NCALD: variants seen among roughly 807,000 people sequenced by gnomAD.
NCALD encodes the protein neurocalcin delta.
NCALD carries 10 observed loss-of-function variants against 18.6 expected under a neutral mutation model. The observed-to-expected ratio is 0.54, with a 90% CI of 0.33 to 0.91. NCALD has a LOEUF of 0.91. Among genes scored for constraint, NCALD ranks in the 40% least tolerant of loss-of-function variants. The probability of loss-of-function intolerance (pLI) is 0.03; values close to 1 mark genes in which losing one functional copy is unlikely to be tolerated. For missense variants in NCALD, 184 were observed against 247.6 expected (o/e 0.74, Z 1.72); for synonymous variants, 88 against 87.4 (o/e 1.01, Z -0.04).
chr8:101,738,745 G>A (rs1810047471), intron 1 of NCALD, among the ~76,000 whole-genome samples: 2 of 152,194 alleles, frequency 1.3e-5, no homozygotes, highest in South Asian at 4.1e-4. Flanking sequence ...TCGTGGCTGT[G>A]TGACCCTGAG....
chr8:101,866,896 C>G (rs1387909837), intron 4 of NCALD, among the ~76,000 whole-genome samples: 1 of 152,180 alleles, frequency 6.6e-6, no homozygotes, highest in Admixed American at 6.5e-5. Flanking sequence ...TGTCACTTCT[C>G]TGCTCAAGAT....
intron 2 of NCALD, among the ~76,000 whole-genome samples, chr8:101,931,729 C>G (rs1178396230): frequency 1.3e-5 from 2 of 152,042 alleles, no homozygotes; most frequent in African/African-American, 4.8e-5. Context: ...CAACTACTCT[C>G]ATGTATGGGT....
chr8:101,753,667 A>G (rs1335086124), intron 1 of NCALD, among the ~76,000 whole-genome samples: 1 of 152,110 alleles, frequency 6.6e-6, no homozygotes, highest in Non-Finnish European at 1.5e-5. Flanking sequence ...GGTTCCAAGA[A>G]GGGCTTCTTA....
At chr8:101,990,028 C>A (rs909905081) in intron 2 of NCALD, among the ~76,000 whole-genome samples, 1 of 152,138 alleles carries the variant, frequency 6.6e-6, no homozygotes, top group Non-Finnish European at 1.5e-5. Context: ...TATTGAGAGC[C>A]TGCATGATCT....
At chr8:101,741,532 C>T (rs1332177717) in intron 1 of NCALD, among the ~76,000 whole-genome samples, 3 of 151,908 alleles carry the variant, frequency 2.0e-5, no homozygotes, top group Non-Finnish European at 4.4e-5. Context: ...ACAACCTAAG[C>T]CTTCCTCATT....
chr8:101,920,000 T>C (rs1387119645), intron 2 of NCALD, among the ~76,000 whole-genome samples: 5 of 152,194 alleles, frequency 3.3e-5, no homozygotes, highest in Admixed American at 2.6e-4. Context: ...CTCATGCCTG[T>C]AGCCCCAGCA....
rs113361803 is a variant in NCALD, at chr8:101,752,738, C to G, written c.-19-33090G>C. On this transcript the variant is annotated intron_variant, in intron 1 of 3. Transcript: ENST00000220931. ...AATAACGGATAAATAAGGTACAGCC[C>G]TGCTCTGCAAGAGCTAGCAATCTAG... is the stretch of plus-strand genomic sequence containing the variant. Among the ~76,000 whole-genome samples the G allele has an allele frequency of 2.7e-3, 407 of 152,314 alleles. 2 individuals carry two copies. The highest frequency in any genetic ancestry group is 9.3e-3 in the African/African-American group (388 of 41,568).
chr8:101,841,776 T>C (rs1203816819), intron 4 of NCALD, among the ~76,000 whole-genome samples: 2 of 152,134 alleles, frequency 1.3e-5, no homozygotes, highest in African/African-American at 4.8e-5. Context: ...GATGTTGGTT[T>C]ACATATGAGC....
At chr8:101,708,812 T>C (rs58028965) in intron 2 of NCALD, among the ~76,000 whole-genome samples, 5,193 of 152,148 alleles carry the variant, frequency 0.034, 296 homozygotes, top group African/African-American at 0.12. Context: ...AGAGCACATC[T>C]AAGCACTCAC....
chr8:101,911,992 A>C (rs1817818005), intron 3 of NCALD, among the ~76,000 whole-genome samples: 7 of 152,240 alleles, frequency 4.6e-5, no homozygotes, highest in Admixed American at 4.6e-4. Flanking sequence ...TTAGTGTTAT[A>C]AAGAACAATC....
At chr8:101,939,655 C>T (rs1818886024) in intron 2 of NCALD, among the ~76,000 whole-genome samples, 1 of 152,186 alleles carries the variant, frequency 6.6e-6, no homozygotes, top group Admixed American at 6.5e-5. Flanking sequence ...CAAATAGCTA[C>T]AAATTCTGAT....
chr8:101,856,335 G>C (rs1437058449), intron 4 of NCALD, among the ~76,000 whole-genome samples: 3 of 152,046 alleles, frequency 2.0e-5, no homozygotes, highest in African/African-American at 4.8e-5. Flanking sequence ...ACCATGCCTG[G>C]CTAACTTTTA....
At chr8:102,083,220 T>G (rs1399381238) in intron 1 of NCALD, among the ~76,000 whole-genome samples, 2 of 152,194 alleles carry the variant, frequency 1.3e-5, no homozygotes, top group Non-Finnish European at 2.9e-5. Context: ...ATTGTCTAAT[T>G]AAATCTACAA....
intron 4 of NCALD, among the ~76,000 whole-genome samples, chr8:101,819,789 C>T (rs575789227): frequency 1.8e-4 from 27 of 152,264 alleles, no homozygotes; most frequent in Admixed American, 1.3e-3. Flanking sequence ...GCAGCAGCGG[C>T]GGTGGTACAG....
At chr8:101,913,604 C>T (rs950437379) in intron 3 of NCALD, among the ~76,000 whole-genome samples, 3 of 152,066 alleles carry the variant, frequency 2.0e-5, no homozygotes, top group Non-Finnish European at 4.4e-5. Context: ...TGTTTTGGGA[C>T]AGAGTTTCGC....
chr8:101,735,990 C>A (rs959950970), intron 1 of NCALD, among the ~76,000 whole-genome samples: 1 of 152,158 alleles, frequency 6.6e-6, no homozygotes, highest in African/African-American at 2.4e-5. Flanking sequence ...GGACATCACC[C>A]GTTCCTCTTC....
At chr8:101,981,808 T>C (rs1820628414) in intron 2 of NCALD, among the ~76,000 whole-genome samples, 1 of 152,234 alleles carries the variant, frequency 6.6e-6, no homozygotes, top group African/African-American at 2.4e-5. Flanking sequence ...CAAAGGGTAG[T>C]TCACGTCCTT....
At chr8:101,817,630 C>T in intron 4 of NCALD, among the ~76,000 whole-genome samples, 1 of 151,812 alleles carries the variant, frequency 6.6e-6, no homozygotes, top group East Asian at 1.9e-4. Context: ...GTCCAGCTGC[C>T]AAGAAGGCAT....
intron 2 of NCALD, among the ~76,000 whole-genome samples, chr8:101,711,119 C>T (rs553676693): frequency 6.6e-6 from 1 of 152,140 alleles, no homozygotes; most frequent in Admixed American, 6.5e-5. Flanking sequence ...GATACCCAGG[C>T]AAACAGGATC....
Sources: allele counts gnomAD v4.1 joint callset (sites outside exome capture counted in the v4.1 genomes callset), GRCh38; gene constraint gnomAD v4.1.1; transcripts MANE v1.5; gene names NCBI Gene and HGNC (gene_info 2026-07-23, HGNC 2026-07-21).